Variants in PPP3CA observed in about 807,000 individuals in gnomAD.
The protein encoded by PPP3CA is protein phosphatase 3 catalytic subunit alpha, also known as CAM-PRP catalytic subunit.
In PPP3CA, 14 loss-of-function variants were observed where a neutral mutation model predicts 66.5. The ratio of observed to expected loss-of-function variants is 0.21; its 90% CI spans 0.14 to 0.33. The LOEUF is 0.33. PPP3CA is among the 10% of genes least tolerant of loss of function. PPP3CA has a pLI of 1.00. For missense variants in PPP3CA, 317 were observed against 639.5 expected, an observed-to-expected ratio of 0.50 and a Z score of 5.44; for synonymous variants, 232 against 226.2, an observed-to-expected ratio of 1.03 and a Z score of -0.23.
intron 6 of PPP3CA, among the ~76,000 whole-genome samples, chr4:101,086,356 GA>G (rs1428030142): frequency 1.3e-5 from 2 of 151,860 alleles, no homozygotes; most frequent in African/African-American, 2.4e-5. Flanking sequence ...AGGTAGAAAA[GA>G]AAAAAATGTA....
At chr4:101,218,898 A>G (rs765638645) in intron 1 of PPP3CA, among the ~76,000 whole-genome samples, 14 of 152,040 alleles carry the variant, frequency 9.2e-5, no homozygotes, top group Non-Finnish European at 2.1e-4. Context: ...CTCTACCACT[A>G]TTTGTACTCC....
chr4:101,228,277 TTAAC>T (rs943026003), intron 1 of PPP3CA, among the ~76,000 whole-genome samples: 49 of 151,804 alleles, frequency 3.2e-4, no homozygotes, highest in Admixed American at 5.3e-4. Context: ...ACTCTGCTAT[TTAAC>T]TATAATAATT....
chr4:101,164,780 G>A (rs1486796290), intron 2 of PPP3CA, among the ~76,000 whole-genome samples: 1 of 151,886 alleles, frequency 6.6e-6, no homozygotes. Context: ...ATGTTCTTTT[G>A]CTCTGCAAAG....
At chr4:101,097,960 T>G (rs1321864975) in intron 5 of PPP3CA, among the ~76,000 whole-genome samples, 1 of 152,216 alleles carries the variant, frequency 6.6e-6, no homozygotes, top group Non-Finnish European at 1.5e-5. Context: ...AAATAGATTT[T>G]TAAAAAACCA....
chr4:101,040,179 T>G (rs1727447678), intron 11 of PPP3CA, among the ~76,000 whole-genome samples: 1 of 152,210 alleles, frequency 6.6e-6, no homozygotes, highest in Non-Finnish European at 1.5e-5. Context: ...TAGCTTTTCC[T>G]GTTTCCTAAG....
At chr4:101,213,228 A>G (rs1725361654) in intron 1 of PPP3CA, among the ~76,000 whole-genome samples, 1 of 139,308 alleles carries the variant, frequency 7.2e-6, no homozygotes, top group African/African-American at 3.4e-5. Context: ...AAAACAGTTA[A>G]AAAGTTTCTT....
chr4:101,346,760 T>G lies in PPP3CA; in HGVS notation c.37A>C (p.Thr13Pro), dbSNP rs1560730716. The stretch of plus-strand genomic sequence containing the variant: ...TTACCTTTCACCACCCTGTCGGTCG[T>G]CGACAACTTGGGATCAATTGCCTTG... ...EPKAIDPKLSTTDRVVKAVPF... is the reference protein window; with the variant it reads ...EPKAIDPKLSPTDRVVKAVPF... Residue 13 changes from threonine (T) to proline (P), a missense_variant, in exon 1 of 14, where the codon ACG becomes CCG. Coordinates refer to ENST00000394854, the MANE Select transcript of PPP3CA (RefSeq NM_000944.5). The G allele has an allele frequency of 3.1e-6, 5 of 1,611,830 alleles. No homozygotes were observed. Among genetic ancestry groups the G allele is most frequent in the Non-Finnish European group, 3.4e-6 (4 of 1,179,270 alleles).
chr4:101,120,758 T>G (rs1049306638), intron 2 of PPP3CA, among the ~76,000 whole-genome samples: 1 of 152,048 alleles, frequency 6.6e-6, no homozygotes, highest in Non-Finnish European at 1.5e-5. Flanking sequence ...ATATAAAAGT[T>G]TTTTTATATG....
At chr4:101,209,498 A>G (rs1201887429) in intron 1 of PPP3CA, among the ~76,000 whole-genome samples, 1 of 152,212 alleles carries the variant, frequency 6.6e-6, no homozygotes, top group Non-Finnish European at 1.5e-5. Context: ...TGCTCAAGAA[A>G]GAAAAAAGTA....
rs544573874 is a variant in PPP3CA at position 101,065,658 on chromosome 4, T to C, written c.956-2301A>G. Among the ~76,000 whole-genome samples the C allele has an allele frequency of 4.6e-5, 7 of 152,258 alleles. No homozygotes were observed. The South Asian group carries it at 1.4e-3, about 31-fold the overall frequency. On this transcript the variant is annotated intron_variant, in intron 8 of 13. Transcript: ENST00000394854. Reference sequence around the variant, plus strand: ...TCAGCTTTTTCTGACACCAAATTCATTCCCTTTCTTTCATTCCCTGCTGTC... The same window carrying C: ...TCAGCTTTTTCTGACACCAAATTCACTCCCTTTCTTTCATTCCCTGCTGTC...
rs1050346995 is a variant in PPP3CA, at chr4:101,308,575, A to G, written c.58+38164T>C. On this transcript the variant is annotated intron_variant, in intron 1 of 13. Transcript: ENST00000394854. ...ATCTTGCAGCTTCAGCCTCCCAAGT[A>G]GCTGGGATTACAGGCACCCACCACC... Among the ~76,000 whole-genome samples the G allele has an allele frequency of 1.2e-4, 18 of 152,152 alleles. 1 individual carries two copies. The highest frequency in any genetic ancestry group is 4.3e-4 in the African/African-American group (18 of 41,526).
At chr4:101,329,615 C>T (rs1376587509) in intron 1 of PPP3CA, among the ~76,000 whole-genome samples, 3 of 152,070 alleles carry the variant, frequency 2.0e-5, no homozygotes, top group East Asian at 1.9e-4. Flanking sequence ...GAACTCTTGG[C>T]TTCAAATTTC....
In PPP3CA at chr4:101,330,516, C is replaced by T. The variant is rs1729350275; in HGVS notation, c.58+16223G>A. 5 of 485,700 alleles carry T rather than the reference C, an allele frequency of 1.0e-5. No homozygotes were observed. The Admixed American group carries it at 1.2e-4, about 12-fold the overall frequency. 30.1% of individuals were successfully genotyped at this position (485,700 alleles called of 1,614,324 possible). A position where few individuals can be genotyped will look rare whatever the true frequency, so the allele number is the denominator to read the frequency against. On this transcript the variant is annotated intron_variant, in intron 1 of 13. Coordinates refer to ENST00000394854, the MANE Select transcript of PPP3CA (RefSeq NM_000944.5). ...ATGTATTTTTTAAGTGAAGTATGTA[C>T]ATTGCTTTTTTAAACATAATGCTAT... is the stretch of plus-strand genomic sequence containing the variant.
chr4:101,254,346 G>T (rs115755441), intron 1 of PPP3CA, among the ~76,000 whole-genome samples: 1,945 of 152,028 alleles, frequency 0.013, 33 homozygotes, highest in African/African-American at 0.043. Flanking sequence ...GAAATATTCT[G>T]CTAGTTATAG....
chr4:101,036,036 G>A (rs553489367), intron 11 of PPP3CA, among the ~76,000 whole-genome samples: 1 of 152,084 alleles, frequency 6.6e-6, no homozygotes, highest in Non-Finnish European at 1.5e-5. Context: ...ATGACTAGTC[G>A]AATTAAGATG....
intron 2 of PPP3CA, among the ~76,000 whole-genome samples, chr4:101,127,981 T>C (rs766464801): frequency 6.6e-6 from 1 of 152,180 alleles, no homozygotes; most frequent in Non-Finnish European, 1.5e-5. Flanking sequence ...CTGTGCTCTA[T>C]ACAGGATCCT....
chr4:101,306,308 C>A (rs1313500923), intron 1 of PPP3CA, among the ~76,000 whole-genome samples: 1 of 152,110 alleles, frequency 6.6e-6, no homozygotes, highest in Admixed American at 6.6e-5. Context: ...TCACCCTACA[C>A]CCCTACTCAC....
At chr4:101,224,537 C>T (rs2851005) in intron 1 of PPP3CA, among the ~76,000 whole-genome samples, 2 of 151,192 alleles carry the variant, frequency 1.3e-5, no homozygotes, top group Non-Finnish European at 3.0e-5. Flanking sequence ...TCATTGCTAG[C>T]GCTCCAGGGA....
In PPP3CA at chr4:101,252,743, G is replaced by C. The variant is rs527872243; in HGVS notation, c.59-56627C>G. 2.4e-3 allele frequency among the ~76,000 whole-genome samples: 360 copies of C among 152,240 alleles called. 2 individuals are homozygous for C. The highest frequency in any genetic ancestry group is 8.2e-3 in the African/African-American group (341 of 41,532). On this transcript the variant is annotated intron_variant, in intron 1 of 13. Transcript: ENST00000394854. ...TAACTTCTTTACACATTTGCAGCCT[G>C]GCTCAGAGGCCCAACTACTTTTGGG...
Sources: allele counts gnomAD v4.1 joint callset (sites outside exome capture counted in the v4.1 genomes callset), GRCh38; gene constraint gnomAD v4.1.1; transcripts MANE v1.5; gene names NCBI Gene and HGNC (gene_info 2026-07-23, HGNC 2026-07-21).